Variants in SH3RF2 observed in about 807,000 individuals in gnomAD.
SH3RF2 encodes E3 ubiquitin-protein ligase SH3RF2.
SH3RF2 carries 43 observed loss-of-function variants against 59.0 expected under a neutral mutation model. That is an observed-to-expected ratio of 0.73 (90% CI 0.57 to 0.94). The LOEUF is 0.94. Among genes scored for constraint, SH3RF2 ranks in the 40% least tolerant of loss-of-function variants. The probability of loss-of-function intolerance (pLI) is 0.00; values close to 1 mark genes in which losing one functional copy is unlikely to be tolerated. For missense variants in SH3RF2, 930 were observed against 940.1 expected (o/e 0.99, Z 0.14); for synonymous variants, 391 against 391.5 (o/e 1.00, Z 0.01).
intron 9 of SH3RF2, among the ~76,000 whole-genome samples, chr5:146,071,835 T>C (rs2150028545): frequency 6.6e-6 from 1 of 152,322 alleles, no homozygotes; most frequent in African/African-American, 2.4e-5. Flanking sequence ...CCTAGTAGAG[T>C]TCTCAGCAGG....
chr5:146,067,545 G>A (rs887424625), downstream of SH3RF2, among the ~76,000 whole-genome samples: 5 of 152,182 alleles, frequency 3.3e-5, no homozygotes, highest in African/African-American at 1.2e-4. Flanking sequence ...GGGCCCTAGA[G>A]AGTCTCACTC....
In SH3RF2 at chr5:146,000,079, T is replaced by C. The variant is rs1478958320; in HGVS notation, c.400T>C (p.Cys134Arg). 6.2e-7 allele frequency: 1 copy of C among 1,613,114 alleles called. No individual in the cohort carries two copies. Among genetic ancestry groups the C allele is most frequent in the African/African-American group, 1.3e-5 (1 of 74,900 alleles). Reference sequence around the variant, plus strand: ...GCAGGTGCCTCGAGCAAAGGCCTTATGCAACTACAGAGGGCAGAATCCCGG... The same window carrying C: ...GCAGGTGCCTCGAGCAAAGGCCTTACGCAACTACAGAGGGCAGAATCCCGG... ...MDGVPRAKAL[C>R]NYRGQNPGDL... is the part of the protein sequence containing the mutation. Residue 134 changes from cysteine (C) to arginine (R), a missense_variant, in exon 3 of 10, where the codon TGC becomes CGC. Cys to Arg is a radical substitution (Grantham distance 180). Transcript: ENST00000359120.
chr5:146,019,314 A>T (rs1343046872), intron 5 of SH3RF2, among the ~76,000 whole-genome samples: 1 of 152,120 alleles, frequency 6.6e-6, no homozygotes, highest in Admixed American at 6.6e-5. Flanking sequence ...ATTCAGTTTC[A>T]TTCTTCTGCA....
At chr5:145,963,274 GGATGGATGGATGGATT>G (rs1208780349) in intron 2 of SH3RF2, among the ~76,000 whole-genome samples, 8 of 150,940 alleles carry the variant, frequency 5.3e-5, no homozygotes, top group African/African-American at 2.0e-4. Flanking sequence ...ATGGATGGAT[GGATGGATGGATGGATT>G]AATAACTATA....
chr5:145,985,486 G>T (rs1037117345), intron 2 of SH3RF2, among the ~76,000 whole-genome samples: 3 of 152,170 alleles, frequency 2.0e-5, no homozygotes, highest in Non-Finnish European at 4.4e-5. Flanking sequence ...CAGCCTATCA[G>T]CTTGTGGCAC....
chr5:145,959,426 A>G (rs951882197), intron 2 of SH3RF2, among the ~76,000 whole-genome samples: 4 of 152,048 alleles, frequency 2.6e-5, no homozygotes, highest in Middle Eastern at 3.2e-3. Context: ...AGGCTGGAAA[A>G]TTTAGAGTAA....
At chr5:145,978,538 A>G (rs959583661) in intron 2 of SH3RF2, among the ~76,000 whole-genome samples, 1 of 152,214 alleles carries the variant, frequency 6.6e-6, no homozygotes, top group African/African-American at 2.4e-5. Context: ...AGACTTAGCA[A>G]GTTGTACTTC....
At chr5:145,938,442 C>A in intron 2 of SH3RF2, 136 bp downstream of exon 2, 1 of 1,056,600 alleles carries the variant, frequency 9.5e-7, no homozygotes, top group East Asian at 2.6e-5. Context: ...TTTCTGTGGG[C>A]AGTGATCATT....
At chr5:146,067,788 CA>C (rs1228774810), downstream of SH3RF2, among the ~76,000 whole-genome samples, 8 of 152,162 alleles carry the variant, frequency 5.3e-5, no homozygotes, top group Non-Finnish European at 7.3e-5. Context: ...TGCCCACACC[CA>C]CACCCCGGTC....
chr5:146,052,167 CAATAG>C (rs1682951954), intron 7 of SH3RF2, among the ~76,000 whole-genome samples: 1 of 152,068 alleles, frequency 6.6e-6, no homozygotes, highest in South Asian at 2.1e-4. Flanking sequence ...ATCAAAGACT[CAATAG>C]AATAAGGGTG....
intron 2 of SH3RF2, among the ~76,000 whole-genome samples, chr5:145,973,950 A>G (rs765668807): frequency 3.9e-5 from 6 of 152,206 alleles, no homozygotes; most frequent in Non-Finnish European, 7.3e-5. Context: ...AAAACAACAC[A>G]CACTTATTAT....
chr5:145,990,717 T>C (rs1759901555), intron 2 of SH3RF2, among the ~76,000 whole-genome samples: 1 of 151,896 alleles, frequency 6.6e-6, no homozygotes, highest in Non-Finnish European at 1.5e-5. Context: ...AAGCATAGAG[T>C]CTTGAGCTTT....
Position 146,062,744 on chromosome 5 carries a change from A to C in SH3RF2, c.*43A>C, listed in dbSNP as rs776167543. ...CCTAGACCCCAAAGAGGTGAATTGC[A>C]TTTAAATACAGTCTGCCTCCACTGA... is the stretch of plus-strand genomic sequence containing the variant. On this transcript the variant is annotated 3_prime_UTR_variant, in exon 10 of 10. Coordinates refer to ENST00000359120, the MANE Select transcript of SH3RF2 (RefSeq NM_152550.4). 4 of 1,580,380 alleles carry C rather than the reference A, an allele frequency of 2.5e-6. No homozygotes were observed. The South Asian group carries it at 4.7e-5, about 19-fold the overall frequency.
chr5:146,072,267 G>A (rs1482688936), intron 9 of SH3RF2, among the ~76,000 whole-genome samples: 2 of 152,196 alleles, frequency 1.3e-5, no homozygotes, highest in Admixed American at 1.3e-4. Context: ...CAAGTGACAC[G>A]AGGCCAGATG....
At chr5:145,965,202 T>C (rs1052838379) in intron 2 of SH3RF2, among the ~76,000 whole-genome samples, 2 of 151,416 alleles carry the variant, frequency 1.3e-5, no homozygotes, top group Non-Finnish European at 2.9e-5. Flanking sequence ...CAAAAAAAAA[T>C]TAAAATTAAG....
rs9325001 is a variant in SH3RF2, at chr5:146,013,752, C to T, written c.750C>T (p.Asn250=). 7.1e-3 allele frequency: 11,398 copies of T among 1,613,686 alleles called. 669 individuals carry two copies. The African/African-American group carries it at 0.13, about 19-fold the overall frequency. The part of the protein sequence containing the change: ...GIFPILFVEP[N]LTARHLLEKN... The stretch of plus-strand genomic sequence containing the variant: ...TGGACCTTTTGTCTTTTCAGCCAAA[C>T]CTCACCGCAAGACACCTTTTAGAGA... The change falls in exon 5 of 10, where the codon AAC becomes AAT. Residue 250 remains asparagine (N), a synonymous_variant. Transcript: ENST00000359120.
chr5:145,991,203 A>G (rs148949364), intron 2 of SH3RF2, among the ~76,000 whole-genome samples: 5 of 152,328 alleles, frequency 3.3e-5, no homozygotes, highest in African/African-American at 1.2e-4. Context: ...GCCTCAGCCA[A>G]TCTTGGATCT....
chr5:145,956,191 A>G lies in SH3RF2; in HGVS notation c.378+17885A>G, dbSNP rs1377790494. 3.3e-5 allele frequency among the ~76,000 whole-genome samples: 5 copies of G among 152,224 alleles called. No homozygotes were observed. The East Asian group carries it at 9.6e-4, about 29-fold the overall frequency. On this transcript the variant is annotated intron_variant, in intron 2 of 9. Transcript: ENST00000359120. ...CCAGAGTAGCAAGGGTATAGATGTC[A>G]TAGAGAAAGCTGGAAGAATAGTCAC... is the stretch of plus-strand genomic sequence containing the variant.
chr5:146,019,622 G>A (rs192514139), intron 5 of SH3RF2, among the ~76,000 whole-genome samples: 1 of 151,816 alleles, frequency 6.6e-6, no homozygotes, highest in East Asian at 1.9e-4. Flanking sequence ...TGAATTTTAG[G>A]ATTGCTTCTG....
Sources: gnomAD v4.1 joint callset for allele counts (sites outside exome capture counted in the v4.1 genomes callset) on GRCh38, gnomAD v4.1.1 for gene constraint, MANE v1.5 for transcripts, NCBI Gene and HGNC (gene_info 2026-07-23, HGNC 2026-07-21) for gene names.